The following PRKG1 variants were observed in gnomAD, a reference collection of about 807,000 sequenced individuals.
The protein encoded by PRKG1 is protein kinase cGMP-dependent 1.
In PRKG1, 35 loss-of-function variants were observed where a neutral mutation model predicts 88.1. The ratio of observed to expected loss-of-function variants is 0.40; its 90% CI spans 0.30 to 0.53. The LOEUF is 0.53. PRKG1 is among the 20% of genes least tolerant of loss of function. PRKG1 has a pLI of 0.59. For missense variants in PRKG1, 540 were observed against 839.8 expected (o/e 0.64, Z 4.41); for synonymous variants, 303 against 292.5 (o/e 1.04, Z -0.37).
chr10:51,525,646 T>G (rs1841863217), intron 3 of PRKG1, among the ~76,000 whole-genome samples: 1 of 152,074 alleles, frequency 6.6e-6, no homozygotes. Flanking sequence ...TGCAGTGATC[T>G]GAGATTGCAC....
At chr10:52,164,702 A>T (rs1018787393) in intron 9 of PRKG1, among the ~76,000 whole-genome samples, 2 of 152,196 alleles carry the variant, frequency 1.3e-5, no homozygotes, top group African/African-American at 2.4e-5. Flanking sequence ...ATTTGAAACC[A>T]TTGATTTGAT....
chr10:51,024,569 CTG>C (rs1428184740), intron 1 of PRKG1, among the ~76,000 whole-genome samples: 2 of 152,068 alleles, frequency 1.3e-5, no homozygotes, highest in Non-Finnish European at 1.5e-5. Context: ...ATCTACGTAA[CTG>C]TATTAGTTTG....
At chr10:51,392,796 T>A (rs1837450688) in intron 2 of PRKG1, among the ~76,000 whole-genome samples, 1 of 144,162 alleles carries the variant, frequency 6.9e-6, no homozygotes, top group African/African-American at 2.6e-5. Flanking sequence ...ACGGGGCGGC[T>A]GGCCGGGCGG....
intron 5 of PRKG1, among the ~76,000 whole-genome samples, chr10:51,994,888 T>C (rs946859233): frequency 6.6e-6 from 1 of 152,200 alleles, no homozygotes; most frequent in African/African-American, 2.4e-5. Flanking sequence ...ACTACAACAC[T>C]GCAAGCTAAA....
chr10:51,642,288 G>A (rs1216456011), intron 3 of PRKG1, among the ~76,000 whole-genome samples: 1 of 152,154 alleles, frequency 6.6e-6, no homozygotes, highest in Admixed American at 6.5e-5. Flanking sequence ...TACTCAGGGG[G>A]CTGAGGCAGG....
chr10:51,362,736 A>G (rs548469125), intron 2 of PRKG1, among the ~76,000 whole-genome samples: 2 of 151,892 alleles, frequency 1.3e-5, no homozygotes, highest in African/African-American at 4.8e-5. Context: ...CCATCAACCC[A>G]TCGTCTACGT....
At chr10:52,254,760 A>G (rs922306285) in intron 10 of PRKG1, among the ~76,000 whole-genome samples, 5 of 152,098 alleles carry the variant, frequency 3.3e-5, no homozygotes, top group African/African-American at 1.2e-4. Context: ...GAGAATTTAT[A>G]AATAGTTTAT....
chr10:51,665,776 C>G (rs930181964), intron 3 of PRKG1, among the ~76,000 whole-genome samples: 5 of 151,592 alleles, frequency 3.3e-5, no homozygotes, highest in Non-Finnish European at 7.4e-5. Flanking sequence ...AGAAATTATA[C>G]TAATCTCAAG....
intron 5 of PRKG1, among the ~76,000 whole-genome samples, chr10:51,918,266 C>A (rs1937680): frequency 0.66 from 100,744 of 151,790 alleles, 33,580 homozygotes; most frequent in African/African-American, 0.7. Flanking sequence ...AAAAGAAAAA[C>A]TTCTCCCACC....
At chr10:51,583,824 CT>C (rs1838104783) in intron 3 of PRKG1, among the ~76,000 whole-genome samples, 1 of 151,950 alleles carries the variant, frequency 6.6e-6, no homozygotes, top group Admixed American at 6.6e-5. Flanking sequence ...GTATTGAATG[CT>C]TCATTTTTCT....
rs144317430 is a variant in PRKG1, at chr10:51,915,547, A to ATG, written c.762+7995_762+7996dup. ...AATGAGTTGGAAGATGTGTGTGTGT[A>ATG]TGTGTGTGTGTGTGTGTGTTGGTAG... On this transcript the variant is annotated intron_variant, in intron 5 of 17. Transcript: ENST00000373980. Among the ~76,000 whole-genome samples the ATG allele has an allele frequency of 4.6e-3, 674 of 145,226 alleles. 5 individuals carry two copies. The highest frequency in any genetic ancestry group is 0.015 in the African/African-American group (538 of 36,656).
intron 3 of PRKG1, among the ~76,000 whole-genome samples, chr10:51,515,250 G>A (rs1326364126): frequency 6.6e-6 from 1 of 152,104 alleles, no homozygotes; most frequent in African/African-American, 2.4e-5. Context: ...TCGTTCACAA[G>A]TCATTCAAAG....
intron 2 of PRKG1, among the ~76,000 whole-genome samples, chr10:51,194,099 T>G (rs547491343): frequency 6.6e-6 from 1 of 152,280 alleles, no homozygotes; most frequent in South Asian, 2.1e-4. Flanking sequence ...ATGTTATCAC[T>G]TTTTCTCATA....
chr10:51,872,425 A>G (rs1030925071), intron 4 of PRKG1, among the ~76,000 whole-genome samples: 1 of 152,120 alleles, frequency 6.6e-6, no homozygotes, highest in Non-Finnish European at 1.5e-5. Flanking sequence ...TATTAACGTG[A>G]TGACTATTAG....
intron 3 of PRKG1, among the ~76,000 whole-genome samples, chr10:51,516,686 C>A (rs1037362801): frequency 3.9e-5 from 6 of 152,164 alleles, no homozygotes; most frequent in African/African-American, 1.4e-4. Context: ...GACTGAAACA[C>A]CTTCTAGCTG....
At chr10:51,878,193 T>C (rs565747657) in intron 4 of PRKG1, among the ~76,000 whole-genome samples, 1 of 152,096 alleles carries the variant, frequency 6.6e-6, no homozygotes, top group East Asian at 1.9e-4. Context: ...CATGTATATA[T>C]AAATATAAAG....
upstream of PRKG1, among the ~76,000 whole-genome samples, chr10:51,073,855 T>A (rs75628696): frequency 0.01 from 1,543 of 152,250 alleles, 68 homozygotes; most frequent in East Asian, 0.15. Flanking sequence ...TGAGGCGCTC[T>A]GGGTGGGAAA....
chr10:51,986,795 G>C (rs1316866428), intron 5 of PRKG1, among the ~76,000 whole-genome samples: 1 of 152,138 alleles, frequency 6.6e-6, no homozygotes, highest in Non-Finnish European at 1.5e-5. Flanking sequence ...CTGTTGGAGG[G>C]GAGGAATAGG....
intron 3 of PRKG1, among the ~76,000 whole-genome samples, chr10:51,474,090 A>G (rs920182729): frequency 6.6e-6 from 1 of 151,982 alleles, no homozygotes; most frequent in African/African-American, 2.4e-5. Context: ...AGCAGATAAC[A>G]TTTGAAGACT....
Sources: allele counts gnomAD v4.1 joint callset (sites outside exome capture counted in the v4.1 genomes callset), GRCh38; gene constraint gnomAD v4.1.1; transcripts MANE v1.5; gene names NCBI Gene and HGNC (gene_info 2026-07-23, HGNC 2026-07-21).